NPS: variants seen among roughly 807,000 people sequenced by gnomAD.
NPS encodes prepro-neuropeptide S.
A neutral mutation model predicts 7.2 loss-of-function variants in NPS; 6 were observed. The observed-to-expected ratio is 0.83, with a 90% confidence interval of 0.46 to 1.64. NPS has a LOEUF of 1.64. Ranked by LOEUF, NPS falls within the 40% of genes most tolerant of loss-of-function variation. The pLI is 0.01. For missense variants in NPS, 123 were observed against 97.8 expected (o/e 1.26, Z -1.09); for synonymous variants, 42 against 36.7 (o/e 1.14, Z -0.52).
intron 2 of NPS, among the ~76,000 whole-genome samples, chr10:127,552,205 A>C (rs1045805140): frequency 6.6e-6 from 1 of 152,226 alleles, no homozygotes; most frequent in Non-Finnish European, 1.5e-5. Context: ...AAGATAACTT[A>C]TGTGTAGTGC....
At position 127,552,562 on chromosome 10, in the gene NPS, A is replaced by G; in HGVS notation, c.193A>G (p.Met65Val). 6.2e-7 allele frequency: 1 copy of G among 1,613,578 alleles called. No individual in the cohort carries two copies. Among genetic ancestry groups the G allele is most frequent in the Non-Finnish European group, 8.5e-7 (1 of 1,179,510 alleles). ...LAFLKPILEK[M>V]FVKRSFRNGV... ...TTTTCTAAAGCCAATTTTGGAGAAGATGTTTGTGAAAAGGTCCTTTCGCAA... is the reference window on the plus strand; with the variant it reads ...TTTTCTAAAGCCAATTTTGGAGAAGGTGTTTGTGAAAAGGTCCTTTCGCAA... The change falls in exon 3 of 3, where the codon ATG becomes GTG. Residue 65 changes from methionine (M) to valine (V), a missense_variant. Met to Val is a conservative substitution (Grantham distance 21). Coordinates refer to ENST00000398023, the MANE Select transcript of NPS (RefSeq NM_001030013.2).
In NPS at chr10:127,553,492, G is replaced by T. The variant is rs569665510; in HGVS notation, c.*853G>T. On this transcript the variant is annotated 3_prime_UTR_variant, in exon 3 of 3. Transcript: ENST00000398023. ...TTTTTTAAAAGGATAATGCGACATT[G>T]GTTGACGTGTTATTTCAAATGCATA... Among the ~76,000 whole-genome samples the T allele has an allele frequency of 1.6e-4, 25 of 152,266 alleles. No homozygotes were observed. Among genetic ancestry groups the T allele is most frequent in the African/African-American group, 5.1e-4 (21 of 41,554 alleles).
intron 2 of NPS, among the ~76,000 whole-genome samples, chr10:127,551,747 A>T (rs1844860972): frequency 6.6e-6 from 1 of 152,192 alleles, no homozygotes; most frequent in Non-Finnish European, 1.5e-5. Context: ...ACAAGTGTTG[A>T]TGATTCGTAC....
intron 2 of NPS, among the ~76,000 whole-genome samples, chr10:127,552,232 A>T (rs1368251926): frequency 6.6e-6 from 1 of 152,220 alleles, no homozygotes; most frequent in Non-Finnish European, 1.5e-5. Context: ...TAAATACGGA[A>T]TAGCAGCAAG....
At chr10:127,550,568 A>G (rs72845547) in intron 2 of NPS, among the ~76,000 whole-genome samples, 13,378 of 152,192 alleles carry the variant, frequency 0.088, 761 homozygotes, top group Non-Finnish European at 0.14. Flanking sequence ...CCAAAGGTTT[A>G]CTCATGACAT....
chr10:127,550,615 T>A (rs956989427), intron 2 of NPS, among the ~76,000 whole-genome samples: 6 of 152,242 alleles, frequency 3.9e-5, no homozygotes, highest in Admixed American at 6.5e-5. Flanking sequence ...GTAGCTTTTT[T>A]AAAAGAAATT....
chr10:127,550,388 A>T (rs1463296264), intron 2 of NPS, among the ~76,000 whole-genome samples: 1 of 151,892 alleles, frequency 6.6e-6, no homozygotes, highest in Non-Finnish European at 1.5e-5. Context: ...TCATTTTTCT[A>T]TTTCTTGTTT....
intron 2 of NPS, among the ~76,000 whole-genome samples, chr10:127,552,180 T>A (rs1205968687): frequency 6.6e-6 from 1 of 152,168 alleles, no homozygotes; most frequent in Non-Finnish European, 1.5e-5. Flanking sequence ...ATATTCTTTT[T>A]AAAATAACAG....
chr10:127,552,368 A>G, intron 2 of NPS, 92 bp from the exon 3 acceptor site: 1 of 724,960 alleles, frequency 1.4e-6, no homozygotes, highest in Non-Finnish European at 2.4e-6. Flanking sequence ...TATTGGATTT[A>G]TCGCCATACG....
chr10:127,551,059 C>T (rs1478379268), intron 2 of NPS, among the ~76,000 whole-genome samples: 1 of 152,116 alleles, frequency 6.6e-6, no homozygotes, highest in South Asian at 2.1e-4. Context: ...GGCTTGCTTC[C>T]CTTCCTGCAA....
intron 2 of NPS, 95 bp from the exon 3 acceptor site, chr10:127,552,365 T>A: frequency 1.4e-6 from 1 of 715,378 alleles, no homozygotes; most frequent in Admixed American, 2.4e-5. Flanking sequence ...ATATATTGGA[T>A]TTATCGCCAT....
Position 127,552,612 on chromosome 10 carries a change from A to T in NPS, c.243A>T (p.Lys81Asn), listed in dbSNP as rs1432074839. 6.2e-7 allele frequency: 1 copy of T among 1,613,632 alleles called. No individual in the cohort carries two copies. The highest frequency in any genetic ancestry group is 8.5e-7 in the Non-Finnish European group (1 of 1,179,624). The change falls in exon 3 of 3, where the codon AAA (lysine) becomes AAT (asparagine). Residue 81 changes from lysine (K) to asparagine (N), a missense_variant. Lys to Asn is a moderately conservative substitution (Grantham distance 94). Transcript: ENST00000398023. ...FRNGVGTGMK[K>N]TSFQRAKS Reference sequence around the variant, plus strand: ...ATGGAGTTGGCACAGGGATGAAAAAAACTTCCTTTCAAAGAGCAAAATCAT... The same window carrying T: ...ATGGAGTTGGCACAGGGATGAAAAATACTTCCTTTCAAAGAGCAAAATCAT...
At chr10:127,549,812 A>T (rs1208068610) in intron 2 of NPS, among the ~76,000 whole-genome samples, 1 of 152,230 alleles carries the variant, frequency 6.6e-6, no homozygotes, top group Non-Finnish European at 1.5e-5. Flanking sequence ...GCAAAGGGAA[A>T]TATTCATCTC....
chr10:127,552,490 C>A lies in NPS; in HGVS notation c.121C>A (p.Leu41Met). 6.2e-7 allele frequency: 1 copy of A among 1,611,594 alleles called. No individual in the cohort carries two copies. The highest frequency in any genetic ancestry group is 1.3e-5 in the African/African-American group (1 of 75,002). ...VSGKSDYFLI[L>M]LNSCPTRLDR... ...TGGAAAATCTGATTACTTTCTCATT[C>A]TGCTGAACAGCTGCCCAACCAGATT... Residue 41 changes from leucine to methionine, a missense_variant, in exon 3 of 3, where the codon CTG becomes ATG. Coordinates refer to ENST00000398023, the MANE Select transcript of NPS (RefSeq NM_001030013.2).
intron 2 of NPS, among the ~76,000 whole-genome samples, chr10:127,550,976 A>C (rs1844852897): frequency 1.3e-5 from 2 of 152,190 alleles, no homozygotes; most frequent in South Asian, 4.1e-4. Context: ...ATGTTTCAGG[A>C]ATCTCATAAC....
chr10:127,553,305 G>C lies in NPS; in HGVS notation c.*666G>C, dbSNP rs1012168607. On this transcript the variant is annotated 3_prime_UTR_variant, in exon 3 of 3. Transcript: ENST00000398023. ...TTTTAAAATCTTTAAGCACAGAAAT[G>C]CTGCCAGTAACAACAACAACAGAGA... Among the ~76,000 whole-genome samples the C allele has an allele frequency of 6.6e-6, 1 of 152,060 alleles. No individual in the cohort carries two copies. Among genetic ancestry groups the C allele is most frequent in the African/African-American group, 2.4e-5 (1 of 41,402 alleles).
intron 2 of NPS, among the ~76,000 whole-genome samples, chr10:127,552,217 T>C (rs1459073197): frequency 6.6e-6 from 1 of 152,172 alleles, no homozygotes; most frequent in Non-Finnish European, 1.5e-5. Context: ...GTGTAGTGCA[T>C]GATGTAAATA....
Position 127,552,697 on chromosome 10 carries a change from C to A in NPS, c.*58C>A. On this transcript the variant is annotated 3_prime_UTR_variant, in exon 3 of 3. Coordinates refer to ENST00000398023, the MANE Select transcript of NPS (RefSeq NM_001030013.2). ...AACTGTAGAGTGTGACTGACGTACT[C>A]AAAGTCCATCGTCTCTTTATCATTG... 1.8e-6 allele frequency: 2 copies of A among 1,111,124 alleles called. No individual in the cohort carries two copies. The highest frequency in any genetic ancestry group is 2.7e-6 in the Non-Finnish European group (2 of 738,874). 68.8% of individuals were successfully genotyped at this position (1,111,124 alleles called of 1,614,324 possible). A position where few individuals can be genotyped will look rare whatever the true frequency, so the allele number is the denominator to read the frequency against.
At chr10:127,550,528 G>T (rs185134678) in intron 2 of NPS, among the ~76,000 whole-genome samples, 96 of 152,190 alleles carry the variant, frequency 6.3e-4, no homozygotes, top group Admixed American at 2.1e-3. Context: ...ATTTTCTCAA[G>T]TGTCTTCCTA....
Sources: gnomAD v4.1 joint callset for allele counts (sites outside exome capture counted in the v4.1 genomes callset) on GRCh38, gnomAD v4.1.1 for gene constraint, MANE v1.5 for transcripts, NCBI Gene and HGNC (gene_info 2026-07-23, HGNC 2026-07-21) for gene names.